The following ZNF587 variants were observed in gnomAD, a reference collection of about 807,000 sequenced individuals.
The protein encoded by ZNF587 is zinc finger protein 587.
ZNF587 carries 8 observed loss-of-function variants against 7.5 expected under a neutral mutation model. That is an observed-to-expected ratio of 1.06 (90% CI 0.62 to 1.92). The LOEUF (loss-of-function observed/expected upper bound fraction) is 1.92. Among genes scored for constraint, ZNF587 ranks in the 40% most tolerant of loss-of-function variants. The probability of loss-of-function intolerance (pLI) is 0.00; values close to 1 mark genes in which losing one functional copy is unlikely to be tolerated. For synonymous variants in ZNF587, 145 were observed against 237.8 expected (o/e 0.61, Z 3.59); for missense variants, 468 against 692.8 (o/e 0.68, Z 3.64).
rs550814682 is a variant in ZNF587 at position 57,856,072 on chromosome 19, G to A, written c.34-32G>A. On this transcript the variant is annotated intron_variant, in intron 1 of 2. Coordinates refer to ENST00000339656, the MANE Select transcript of ZNF587 (RefSeq NM_032828.4). ...TGGGTTGTGGTACCTCAGCAGAGGG[G>A]CTGCTTGTGGTTTCATCTGTCACTA... 5 of 1,612,110 alleles carry A rather than the reference G, an allele frequency of 3.1e-6. No homozygotes were observed. In the South Asian group the frequency reaches 5.5e-5, roughly 18 times the overall value.
chr19:57,852,537 T>C (rs12610231), intron 1 of ZNF587: 1 of 394,806 alleles, frequency 2.5e-6, no homozygotes, highest in African/African-American at 2.1e-5. Context: ...TTTCTTTTTT[T>C]TTTCTTAACG....
At chr19:57,855,076 C>T (rs1290344170) in intron 1 of ZNF587, among the ~76,000 whole-genome samples, 2 of 151,298 alleles carry the variant, frequency 1.3e-5, no homozygotes, top group Non-Finnish European at 2.9e-5. Context: ...CCCAGCTACT[C>T]GGGAGGCTGA....
At position 57,855,002 on chromosome 19, in the gene ZNF587, C is replaced by G. The variant is rs1013631389; in HGVS notation, c.34-1102C>G. Among the ~76,000 whole-genome samples, 5 of 151,578 alleles carry G rather than the reference C, an allele frequency of 3.3e-5. 1 individual carries two copies. In the East Asian group the frequency reaches 9.7e-4, roughly 29 times the overall value. On this transcript the variant is annotated intron_variant, in intron 1 of 2. Coordinates refer to ENST00000339656, the MANE Select transcript of ZNF587 (RefSeq NM_032828.4). Reference sequence around the variant, plus strand: ...CCATCCTGGCTAACACAGTGAAACCCCGTCTCTACTAAAAAAAAAAAAATA... The same window carrying G: ...CCATCCTGGCTAACACAGTGAAACCGCGTCTCTACTAAAAAAAAAAAAATA...
chr19:57,850,643 A>T (rs1286806725), intron 1 of ZNF587: 1 of 399,460 alleles, frequency 2.5e-6, no homozygotes, highest in East Asian at 3.6e-5. Flanking sequence ...AGTCCTGCGG[A>T]GACAAAGGAG....
chr19:57,853,197 A>C (rs2071304929), intron 1 of ZNF587, among the ~76,000 whole-genome samples: 2 of 152,198 alleles, frequency 1.3e-5, no homozygotes, highest in African/African-American at 4.8e-5. Flanking sequence ...ATGAAAGAGG[A>C]ATCGGGCATG....
In ZNF587 at chr19:57,864,629, C is replaced by T. The variant is rs1256945657; in HGVS notation, c.*4489C>T. 1 of 152,090 alleles carries T rather than the reference C, an allele frequency of 6.6e-6. No homozygotes were observed. The highest frequency in any genetic ancestry group is 1.5e-5 in the Non-Finnish European group (1 of 68,008). 9.4% of individuals were successfully genotyped at this position (152,090 alleles called of 1,614,324 possible). A position where few individuals can be genotyped will look rare whatever the true frequency, so the allele number is the denominator to read the frequency against. On this transcript the variant is annotated 3_prime_UTR_variant, in exon 3 of 3. Coordinates refer to ENST00000339656, the MANE Select transcript of ZNF587 (RefSeq NM_032828.4). ...ATACATGAAATAGTGATACTTCATT[C>T]TCAGTAATATCTTCATCCTTCTCAC... is the stretch of plus-strand genomic sequence containing the variant.
At chr19:57,853,034 G>C (rs2071302219) in intron 1 of ZNF587, among the ~76,000 whole-genome samples, 1 of 151,022 alleles carries the variant, frequency 6.6e-6, no homozygotes, top group South Asian at 2.1e-4. Flanking sequence ...TCTATTTTTA[G>C]TAAAGTCGGG....
intron 1 of ZNF587, among the ~76,000 whole-genome samples, chr19:57,853,379 G>C (rs1449925493): frequency 6.6e-6 from 1 of 152,188 alleles, no homozygotes. Context: ...ATACTGGATG[G>C]GGTATCTGGG....
rs184898623 is a variant in ZNF587, at chr19:57,857,566, C to T, written c.164-1010C>T. On this transcript the variant is annotated intron_variant, in intron 2 of 2. Transcript: ENST00000339656. ...TGTGTTGTACTCATGTTTTCTTGGT[C>T]TTCACATGTTTCTATATATATATAG... is the stretch of plus-strand genomic sequence containing the variant. Among the ~76,000 whole-genome samples the T allele has an allele frequency of 2.7e-3, 417 of 151,760 alleles. 5 individuals are homozygous for T. The highest frequency in any genetic ancestry group is 9.8e-3 in the African/African-American group (404 of 41,210).
intron 1 of ZNF587, 120 bp downstream of exon 1, chr19:57,850,191 C>CCTCCT: frequency 6.3e-7 from 1 of 1,581,990 alleles, no homozygotes; most frequent in South Asian, 1.1e-5. Flanking sequence ...AACACTGAGG[C>CCTCCT]GCTCACAGGA....
intron 1 of ZNF587, 170 bp from the exon 2 acceptor site, chr19:57,855,934 A>G (rs574640600): frequency 1.1e-4 from 126 of 1,161,558 alleles, no homozygotes; most frequent in Admixed American, 1.8e-4. Flanking sequence ...CTTGTTGCTG[A>G]TGGCATTTGA....
intron 1 of ZNF587, among the ~76,000 whole-genome samples, chr19:57,854,833 A>G (rs186418242): frequency 1.8e-4 from 28 of 151,928 alleles, no homozygotes; most frequent in Admixed American, 1.8e-3. Context: ...TTGAGACCAG[A>G]AATTCAAGAC....
At chr19:57,851,747 A>C (rs574591733) in intron 1 of ZNF587, 2 of 152,250 alleles carry the variant, frequency 1.3e-5, no homozygotes, top group Non-Finnish European at 2.9e-5. Flanking sequence ...GAAAGGAGGG[A>C]CATGATCCAA....
intron 2 of ZNF587, chr19:57,858,170 G>C (rs1431829787): frequency 6.5e-6 from 1 of 153,560 alleles, no homozygotes; most frequent in African/African-American, 2.7e-5. Context: ...CTGTTGTCCA[G>C]GCTGGGGTGC....
chr19:57,856,600 A>G (rs1323811935), intron 2 of ZNF587, among the ~76,000 whole-genome samples: 2 of 151,752 alleles, frequency 1.3e-5, no homozygotes. Flanking sequence ...AGTAGAGACG[A>G]GGTTTCACCG....
At position 57,853,134 on chromosome 19, in the gene ZNF587, C is replaced by T. The variant is rs185695216; in HGVS notation, c.34-2970C>T. On this transcript the variant is annotated intron_variant, in intron 1 of 2. Coordinates refer to ENST00000339656, the MANE Select transcript of ZNF587 (RefSeq NM_032828.4). ...TCCCCAAGTGCTGGGATTATAGGCA[C>T]GAGCCACCATGCCTTGCAGACAGCT... is the stretch of plus-strand genomic sequence containing the variant. 3.8e-4 allele frequency among the ~76,000 whole-genome samples: 58 copies of T among 152,202 alleles called. No homozygotes were observed. The East Asian group carries it at 8.1e-3, about 21-fold the overall frequency.
chr19:57,850,225 T>TG (rs776902181), intron 1 of ZNF587, 154 bp downstream of exon 1: 4 of 1,398,802 alleles, frequency 2.9e-6, no homozygotes, highest in Non-Finnish European at 3.9e-6. Context: ...AACCGTCCAG[T>TG]GGGTTCACGT....
intron 1 of ZNF587, among the ~76,000 whole-genome samples, chr19:57,855,129 AGCTGAGATCAT>A (rs1293727517): frequency 6.6e-6 from 1 of 151,944 alleles, no homozygotes; most frequent in African/African-American, 2.4e-5. Context: ...GCTTGCACTG[AGCTGAGATCAT>A]GCTACTGCCC....
intron 1 of ZNF587, among the ~76,000 whole-genome samples, chr19:57,855,550 G>C (rs575642813): frequency 5.0e-4 from 75 of 151,024 alleles, no homozygotes; most frequent in Non-Finnish European, 8.3e-4. Context: ...TCAGAAGGGG[G>C]TGTGGGCTTT....
Sources: gnomAD v4.1 joint callset for allele counts (sites outside exome capture counted in the v4.1 genomes callset) on GRCh38, gnomAD v4.1.1 for gene constraint, MANE v1.5 for transcripts, NCBI Gene and HGNC (gene_info 2026-07-23, HGNC 2026-07-21) for gene names.